The following GNE variants were observed in gnomAD, a reference collection of about 807,000 sequenced individuals.
GNE encodes bifunctional UDP-N-acetylglucosamine 2-epimerase/N-acetylmannosamine kinase.
GNE carries 41 observed loss-of-function variants against 61.8 expected under a neutral mutation model. The observed-to-expected ratio is 0.66, with a 90% CI of 0.52 to 0.86. GNE has a LOEUF of 0.86. Among genes scored for constraint, GNE ranks in the 40% least tolerant of loss-of-function variants. The pLI, the probability that GNE is intolerant of heterozygous loss-of-function variation, is 0.00. For missense variants in GNE, 608 were observed against 909.1 expected (o/e 0.67, Z 4.26); for synonymous variants, 264 against 326.4 (o/e 0.81, Z 2.06).
chr9:36,227,576 T>C (rs1828938851), intron 6 of GNE, 118 bp from the exon 7 acceptor site: 6 of 734,322 alleles, frequency 8.2e-6, no homozygotes, highest in African/African-American at 7.0e-5. Context: ...TGCTTCTTCC[T>C]AAAGTGACAT....
chr9:36,272,620 C>CAAAAAA (rs58934783), intron 1 of GNE, among the ~76,000 whole-genome samples: 1 of 74,094 alleles, frequency 1.3e-5, no homozygotes, highest in African/African-American at 5.7e-5. Context: ...GACTCCGCCT[C>CAAAAAA]AAAAAAAAAA....
At position 36,257,375 on chromosome 9, in the gene GNE, A is replaced by G. The variant is rs572745750; in HGVS notation, c.-43+946T>C. ...GTCAGGGCCCCATTCCGACGCTATA[A>G]TTCGGTTTGGCTTCAACTGCGGCGC... On this transcript the variant is annotated intron_variant, in intron 1 of 11. Transcript: ENST00000642385. Among the ~76,000 whole-genome samples the G allele has an allele frequency of 1.3e-4, 20 of 152,274 alleles. No individual in the cohort carries two copies. The South Asian group carries it at 4.2e-3, about 32-fold the overall frequency.
At chr9:36,227,802 G>A (rs951093161) in intron 6 of GNE, among the ~76,000 whole-genome samples, 6 of 152,020 alleles carry the variant, frequency 3.9e-5, no homozygotes, top group Non-Finnish European at 7.4e-5. Context: ...TTGGGAGGTC[G>A]AGGCTGGCGG....
At chr9:36,230,727 T>C (rs1226644024) in intron 5 of GNE, among the ~76,000 whole-genome samples, 1 of 151,736 alleles carries the variant, frequency 6.6e-6, no homozygotes, top group Admixed American at 6.6e-5. Flanking sequence ...TGGCGCGATC[T>C]TGGCTCACTG....
At chr9:36,246,660 C>CTTT (rs66781293) in intron 2 of GNE, among the ~76,000 whole-genome samples, 178 bp from the exon 3 acceptor site, 17 of 119,062 alleles carry the variant, frequency 1.4e-4, no homozygotes, top group South Asian at 2.8e-4. Flanking sequence ...GATTAAGATT[C>CTTT]TTTTTTTTTT....
At chr9:36,260,553 A>G (rs887140401), upstream of GNE, among the ~76,000 whole-genome samples, 6 of 152,102 alleles carry the variant, frequency 3.9e-5, no homozygotes, top group East Asian at 9.7e-4. Flanking sequence ...GTAACAAATT[A>G]CCACAAAATT....
At chr9:36,223,764 T>C (rs2133026957) in intron 7 of GNE, among the ~76,000 whole-genome samples, 1 of 152,076 alleles carries the variant, frequency 6.6e-6, no homozygotes, top group Non-Finnish European at 1.5e-5. Context: ...TCTTTTTTTT[T>C]TTTTTGAGAT....
Position 36,217,461 on chromosome 9 carries a change from C to A in GNE, c.2073G>T (p.Val691=), listed in dbSNP as rs760445653. 1 of 1,614,036 alleles carries A rather than the reference C, an allele frequency of 6.2e-7. No homozygotes were observed. Among genetic ancestry groups the A allele is most frequent in the Non-Finnish European group, 8.5e-7 (1 of 1,180,042 alleles). The part of the protein sequence containing the change: ...DVIRQQALSS[V]QDVDVVVSDL... ...CCGAAACCACCACATCCACGTCCTG[C>A]ACGGAGGACAAGGCCTGCTGGCGAA... Residue 691 remains valine (V), a synonymous_variant, in exon 12 of 12, where the codon GTG becomes GTT. Transcript: ENST00000642385.
chr9:36,265,080 G>T (rs1587377880), intron 1 of GNE: 2 of 306,862 alleles, frequency 6.5e-6, no homozygotes, highest in East Asian at 1.6e-4. Context: ...CTGGCAGGGT[G>T]TCTGCTGTGC....
At chr9:36,265,468 C>T (rs1356448773) in intron 1 of GNE, 1 of 456,638 alleles carries the variant, frequency 2.2e-6, no homozygotes, top group Non-Finnish European at 4.4e-6. Context: ...GCCATCTCTG[C>T]CCTAAGCCAA....
At chr9:36,265,463 C>T in intron 1 of GNE, 1 of 456,696 alleles carries the variant, frequency 2.2e-6, no homozygotes, top group Non-Finnish European at 4.4e-6. Context: ...TATGTGCCAT[C>T]TCTGCCCTAA....
At chr9:36,265,406 C>A (rs1261197781) in intron 1 of GNE, 2 of 456,602 alleles carry the variant, frequency 4.4e-6, no homozygotes, top group Non-Finnish European at 8.8e-6. Flanking sequence ...TGATGTCTGC[C>A]ATGTTGTTTT....
chr9:36,263,414 G>C (rs1200092004), upstream of GNE: 1 of 160,368 alleles, frequency 6.2e-6, no homozygotes. Flanking sequence ...CAAATGATCT[G>C]CCCGCCTCGG....
At chr9:36,264,134 T>A (rs902072318) in intron 1 of GNE, among the ~76,000 whole-genome samples, 1 of 152,012 alleles carries the variant, frequency 6.6e-6, no homozygotes, top group Non-Finnish European at 1.5e-5. Context: ...TTTATTTATT[T>A]TATTATGTTT....
chr9:36,270,470 C>CCTGTAA (rs948835784), intron 1 of GNE, among the ~76,000 whole-genome samples: 19 of 151,818 alleles, frequency 1.3e-4, no homozygotes, highest in Non-Finnish European at 2.5e-4. Context: ...TGCATGCACG[C>CCTGTAA]CTGTAATCCC....
At position 36,227,447 on chromosome 9, in the gene GNE, T is replaced by C; in HGVS notation, c.1082A>G (p.Tyr361Cys). ...FGKQYPCSKI[Y>C]GDGNAVPRIL... ...CCTTGGAACAGCATTTCCATCCCCA[T>C]ATATCTTTGAACTGCAATATACAAA... is the stretch of plus-strand genomic sequence containing the variant. The change falls in exon 7 of 12, where the codon TAT becomes TGT. Residue 361 changes from tyrosine to cysteine, a missense_variant. Coordinates refer to ENST00000642385, the MANE Select transcript of GNE (RefSeq NM_005476.7). 1 of 1,603,946 alleles carries C rather than the reference T, an allele frequency of 6.2e-7. No homozygotes were observed. The highest frequency in any genetic ancestry group is 8.5e-7 in the Non-Finnish European group (1 of 1,170,754).
chr9:36,263,044 A>C (rs894648340), upstream of GNE, among the ~76,000 whole-genome samples: 2 of 152,200 alleles, frequency 1.3e-5, no homozygotes, highest in Non-Finnish European at 2.9e-5. Context: ...GAGGTTGCAC[A>C]GCTGTTAAAC....
chr9:36,219,579 G>T (rs1264666557), intron 10 of GNE, among the ~76,000 whole-genome samples: 1 of 152,146 alleles, frequency 6.6e-6, no homozygotes, highest in Non-Finnish European at 1.5e-5. Context: ...TACTGGCTGA[G>T]AAAACAAAAC....
chr9:36,233,771 C>T (rs192508665), intron 5 of GNE, 149 bp downstream of exon 5: 3 of 756,036 alleles, frequency 4.0e-6, no homozygotes, highest in African/African-American at 1.7e-5. Context: ...TGCTATTTAT[C>T]GACTATAGAT....
Sources: allele counts gnomAD v4.1 joint callset (sites outside exome capture counted in the v4.1 genomes callset), GRCh38; gene constraint gnomAD v4.1.1; transcripts MANE v1.5; gene names NCBI Gene and HGNC (gene_info 2026-07-23, HGNC 2026-07-21).